MDGA2: variants seen among roughly 807,000 people sequenced by gnomAD.
The protein encoded by MDGA2 is MAM domain-containing glycosylphosphatidylinositol anchor protein 2.
A neutral mutation model predicts 117.8 loss-of-function variants in MDGA2; 40 were observed. The observed-to-expected ratio is 0.34, with a 90% confidence interval of 0.26 to 0.44. The LOEUF is 0.44. Ranked by LOEUF, MDGA2 falls within the 20% of genes least tolerant of loss-of-function variation. The probability of loss-of-function intolerance (pLI) is 1.00; values close to 1 mark genes in which losing one functional copy is unlikely to be tolerated. For missense variants in MDGA2, 1,123 were observed against 1,250.6 expected (o/e 0.90, Z 1.54); for synonymous variants, 452 against 439.0 (o/e 1.03, Z -0.37).
intron 1 of MDGA2, among the ~76,000 whole-genome samples, chr14:47,581,748 C>T (rs1896232483): frequency 6.6e-6 from 1 of 151,900 alleles, no homozygotes; most frequent in African/African-American, 2.4e-5. Context: ...AAAATGAAAA[C>T]ACAGGCGCAA....
At chr14:47,083,466 T>G (rs953808873) in intron 6 of MDGA2, among the ~76,000 whole-genome samples, 1 of 133,096 alleles carries the variant, frequency 7.5e-6, no homozygotes, top group African/African-American at 2.5e-5. Flanking sequence ...CTACTCTATA[T>G]TCTAGGAAGA....
chr14:47,020,664 A>G (rs1888255494), intron 8 of MDGA2, among the ~76,000 whole-genome samples: 1 of 152,236 alleles, frequency 6.6e-6, no homozygotes, highest in Non-Finnish European at 1.5e-5. Flanking sequence ...TCCCAAGACT[A>G]TTGAAGGAAA....
rs1170891476 is a variant in MDGA2 at position 46,895,732 on chromosome 14, G to GA, written c.2239-13512dup. On this transcript the variant is annotated intron_variant, in intron 10 of 16. Transcript: ENST00000399232. ...ACAGAGCAAGACCCTGTCTCAAAAA[G>GA]AAAAAAAAAAAAGAATAACTAGGTA... is the stretch of plus-strand genomic sequence containing the variant. 5.5e-3 allele frequency among the ~76,000 whole-genome samples: 726 copies of GA among 131,372 alleles called. 7 individuals carry two copies. Among genetic ancestry groups the GA allele is most frequent in the African/African-American group, 0.018 (632 of 35,868 alleles). The allele number at this position is 131,372 out of a possible 152,430, so 86.2% of individuals were successfully genotyped here.
At chr14:47,000,439 A>T (rs1054840440) in intron 8 of MDGA2, among the ~76,000 whole-genome samples, 5 of 133,456 alleles carry the variant, frequency 3.7e-5, no homozygotes, top group African/African-American at 1.1e-4. Context: ...ATATATATAC[A>T]TATAAATATA....
At chr14:47,284,631 A>G (rs568617532) in intron 2 of MDGA2, among the ~76,000 whole-genome samples, 41 of 152,302 alleles carry the variant, frequency 2.7e-4, no homozygotes, top group African/African-American at 9.9e-4. Context: ...TTTTTGGATC[A>G]TTTGTACATG....
chr14:47,061,526 G>C lies in MDGA2; in HGVS notation c.1248C>G (p.Asp416Glu). Residue 416 changes from aspartate to glutamate, a missense_variant, in exon 7 of 17, where the codon GAC (aspartate) becomes GAG (glutamate). By Grantham distance (45) the Asp-to-Glu change is conservative. Transcript: ENST00000399232. Reference sequence around the variant, plus strand: ...TCACCTCACGGCCAATCTGGATGTTGTCATCTTTGTGATAAGGATCTGGTG... The same window carrying C: ...TCACCTCACGGCCAATCTGGATGTTCTCATCTTTGTGATAAGGATCTGGTG... Reference protein sequence around the residue: ...WITPDPYHKDDNIQIGREVKI... With the variant: ...WITPDPYHKDENIQIGREVKI... 1 of 1,613,208 alleles carries C rather than the reference G, an allele frequency of 6.2e-7. No individual in the cohort carries two copies. Among genetic ancestry groups the C allele is most frequent in the Non-Finnish European group, 8.5e-7 (1 of 1,179,518 alleles).
At chr14:47,006,644 C>G (rs929507271) in intron 8 of MDGA2, among the ~76,000 whole-genome samples, 3 of 151,264 alleles carry the variant, frequency 2.0e-5, no homozygotes, top group Non-Finnish European at 4.4e-5. Flanking sequence ...CTGATGATGT[C>G]TATTATTTAG....
In MDGA2 at chr14:47,313,961, T is replaced by A. The variant is rs115717370; in HGVS notation, c.281-12411A>T. Among the ~76,000 whole-genome samples, 475 of 152,286 alleles carry A rather than the reference T, an allele frequency of 3.1e-3. 4 individuals are homozygous for A. The highest frequency in any genetic ancestry group is 0.011 in the African/African-American group (460 of 41,574). On this transcript the variant is annotated intron_variant, in intron 1 of 16. Transcript: ENST00000399232. ...TATTTATATTGGGAGAAACTGTCAA[T>A]AACAGCATATATGGAAAAATATACA...
intron 10 of MDGA2, among the ~76,000 whole-genome samples, chr14:46,885,804 A>G (rs901525626): frequency 6.6e-6 from 1 of 152,158 alleles, no homozygotes; most frequent in Non-Finnish European, 1.5e-5. Flanking sequence ...AGTTCCACAG[A>G]AGTACTGCAG....
intron 1 of MDGA2, among the ~76,000 whole-genome samples, chr14:47,382,449 T>C (rs1000379762): frequency 6.6e-6 from 1 of 152,202 alleles, no homozygotes; most frequent in African/African-American, 2.4e-5. Flanking sequence ...TTTTACAATC[T>C]ACCCATCTGA....
At chr14:47,435,799 T>G (rs1420232752) in intron 1 of MDGA2, among the ~76,000 whole-genome samples, 1 of 152,046 alleles carries the variant, frequency 6.6e-6, no homozygotes, top group East Asian at 1.9e-4. Context: ...ATGACCAGGT[T>G]ACTGAAAAAG....
intron 14 of MDGA2, among the ~76,000 whole-genome samples, chr14:46,872,300 G>A (rs1422199134): frequency 1.3e-5 from 2 of 151,878 alleles, no homozygotes; most frequent in Non-Finnish European, 2.9e-5. Context: ...TTTATATAAA[G>A]ACACTAATGT....
chr14:47,320,296 C>T (rs924302670), intron 1 of MDGA2, among the ~76,000 whole-genome samples: 13 of 152,044 alleles, frequency 8.6e-5, no homozygotes, highest in Non-Finnish European at 1.5e-4. Context: ...GCAGGAGGAT[C>T]GATTGAGCCC....
chr14:47,132,859 T>C (rs1046078517), intron 4 of MDGA2, among the ~76,000 whole-genome samples: 2 of 151,892 alleles, frequency 1.3e-5, no homozygotes, highest in Non-Finnish European at 2.9e-5. Flanking sequence ...TGGGTAACAT[T>C]TGTCGAGTTC....
At chr14:47,593,695 G>A (rs1896484406) in intron 1 of MDGA2, among the ~76,000 whole-genome samples, 2 of 152,012 alleles carry the variant, frequency 1.3e-5, no homozygotes, top group South Asian at 2.1e-4. Context: ...CATGACCCAG[G>A]GAGGGGAACA....
intron 9 of MDGA2, among the ~76,000 whole-genome samples, chr14:46,927,509 T>C (rs186448143): frequency 1.3e-5 from 2 of 152,296 alleles, no homozygotes; most frequent in East Asian, 1.9e-4. Flanking sequence ...ATGTCATTAA[T>C]AGTTTGTTCA....
intron 9 of MDGA2, among the ~76,000 whole-genome samples, chr14:46,923,965 T>G (rs1884229333): frequency 6.6e-6 from 1 of 152,022 alleles, no homozygotes; most frequent in Non-Finnish European, 1.5e-5. Flanking sequence ...CAAGAAAATT[T>G]TCTTACTCTG....
chr14:46,915,877 A>G (rs1324362288), intron 10 of MDGA2, among the ~76,000 whole-genome samples: 3 of 152,284 alleles, frequency 2.0e-5, no homozygotes, highest in African/African-American at 7.2e-5. Flanking sequence ...TTCTGAACCC[A>G]GGAGCTTGTA....
Position 47,668,919 on chromosome 14 carries a change from T to G in MDGA2, c.280+5598A>C, listed in dbSNP as rs1475636142. The stretch of plus-strand genomic sequence containing the variant: ...CTGTTGCCTTTATAGATTACAAACC[T>G]TGAGCCCAACCCTTGCAAGACTCTT... On this transcript the variant is annotated intron_variant, in intron 1 of 16. Coordinates refer to ENST00000399232, the MANE Select transcript of MDGA2 (RefSeq NM_001113498.3). 2.6e-5 allele frequency among the ~76,000 whole-genome samples: 4 copies of G among 152,274 alleles called. No homozygotes were observed. The East Asian group carries it at 7.7e-4, about 29-fold the overall frequency.
Sources: allele counts gnomAD v4.1 joint callset (sites outside exome capture counted in the v4.1 genomes callset), GRCh38; gene constraint gnomAD v4.1.1; transcripts MANE v1.5; gene names NCBI Gene and HGNC (gene_info 2026-07-23, HGNC 2026-07-21).